ARHGAP22: variants seen among roughly 807,000 people sequenced by gnomAD.
The protein encoded by ARHGAP22 is Rho GTPase activating protein 22.
In ARHGAP22, 48 loss-of-function variants were observed where a neutral mutation model predicts 59.1. The observed-to-expected ratio is 0.81, with a 90% CI of 0.64 to 1.03. The LOEUF is 1.03. Ranked by LOEUF, ARHGAP22 falls within the 50% of genes least tolerant of loss-of-function variation. The pLI is 0.00. For synonymous variants in ARHGAP22, 445 were observed against 416.4 expected, an observed-to-expected ratio of 1.07 and a Z score of -0.84; for missense variants, 1,015 against 958.7, an observed-to-expected ratio of 1.06 and a Z score of -0.78.
Position 48,454,581 on chromosome 10 carries a change from G to C in ARHGAP22, c.793-420C>G, listed in dbSNP as rs555319525. Among the ~76,000 whole-genome samples the C allele has an allele frequency of 7.2e-5, 11 of 152,328 alleles. No individual in the cohort carries two copies. In the East Asian group the frequency reaches 1.7e-3, roughly 24 times the overall value. On this transcript the variant is annotated intron_variant, in intron 6 of 9. Transcript: ENST00000249601. The stretch of plus-strand genomic sequence containing the variant: ...TGGGGACGGGAGGGCTGGCTCATCT[G>C]TCCTGGGAGCCAGCTCAAATTCTTT...
chr10:48,453,618 T>C (rs2046206213), intron 7 of ARHGAP22, among the ~76,000 whole-genome samples, 193 bp from the exon 8 acceptor site: 1 of 152,118 alleles, frequency 6.6e-6, no homozygotes, highest in Admixed American at 6.5e-5. Flanking sequence ...CCATCAGAAG[T>C]AAAAGTCACT....
intron 1 of ARHGAP22, among the ~76,000 whole-genome samples, chr10:48,627,482 G>T (rs976732645): frequency 6.6e-6 from 1 of 152,228 alleles, no homozygotes; most frequent in Non-Finnish European, 1.5e-5. Context: ...GGGCAAGACA[G>T]GTGTCCAAGG....
At chr10:48,598,567 G>A (rs941833231) in intron 1 of ARHGAP22, among the ~76,000 whole-genome samples, 3 of 152,124 alleles carry the variant, frequency 2.0e-5, no homozygotes, top group South Asian at 2.1e-4. Flanking sequence ...GGTGGCAGAC[G>A]GGAAACACCA....
In ARHGAP22 at chr10:48,604,773, C is replaced by T. The variant is rs1205102680; in HGVS notation, c.24G>A (p.Gln8=). The change falls in exon 1 of 10, where the codon CAG becomes CAA. Residue 8 remains glutamine, a synonymous_variant. Coordinates refer to ENST00000249601, the MANE Select transcript of ARHGAP22 (RefSeq NM_021226.4). The part of the protein sequence containing the change: MLSPKIR[Q]ARRARSKSLV... ...GAAAGTTGGACTTACCCCTCCTGGCCTGCCTGATCTTTGGGCTCAGCATGT... is the reference window on the plus strand; with the variant it reads ...GAAAGTTGGACTTACCCCTCCTGGCTTGCCTGATCTTTGGGCTCAGCATGT... The T allele has an allele frequency of 6.2e-7, 1 of 1,614,146 alleles. No homozygotes were observed. Among genetic ancestry groups the T allele is most frequent in the South Asian group, 1.1e-5 (1 of 91,094 alleles).
chr10:48,567,310 T>G (rs1165782174), intron 2 of ARHGAP22, among the ~76,000 whole-genome samples: 1 of 152,204 alleles, frequency 6.6e-6, no homozygotes, highest in Non-Finnish European at 1.5e-5. Context: ...GTCATTCATG[T>G]GAACATTCTA....
chr10:48,546,074 C>T (rs1420766585), intron 3 of ARHGAP22, among the ~76,000 whole-genome samples: 1 of 152,224 alleles, frequency 6.6e-6, no homozygotes, highest in African/African-American at 2.4e-5. Flanking sequence ...GATCAGGACT[C>T]CCTGGCTTGA....
intron 3 of ARHGAP22, among the ~76,000 whole-genome samples, chr10:48,511,237 C>T (rs371463465): frequency 2.6e-5 from 4 of 152,252 alleles, no homozygotes; most frequent in African/African-American, 9.6e-5. Flanking sequence ...ACAAGTCCTG[C>T]TCTCGGTGCC....
intron 2 of ARHGAP22, among the ~76,000 whole-genome samples, chr10:48,565,545 T>A (rs1257149386): frequency 6.6e-6 from 1 of 152,168 alleles, no homozygotes; most frequent in Non-Finnish European, 1.5e-5. Flanking sequence ...GTAGACTCTG[T>A]GCATGAACAT....
chr10:48,450,410 C>T lies in ARHGAP22; in HGVS notation c.1719G>A (p.Ala573=), dbSNP rs1355343933. ...GCTCGCTGTTGCTGGCACCCGCGCC[C>T]GCCTCGTCCATGCTGTGGTCCAGGT... The part of the protein sequence containing the change: ...SLDLDHSMDE[A]GAGASNSEPS... Residue 573 remains alanine, a synonymous_variant, in exon 9 of 10, where the codon GCG becomes GCA. Coordinates refer to ENST00000249601, the MANE Select transcript of ARHGAP22 (RefSeq NM_021226.4). 1 of 1,570,662 alleles carries T rather than the reference C, an allele frequency of 6.4e-7. No individual in the cohort carries two copies. Among genetic ancestry groups the T allele is most frequent in the African/African-American group, 1.4e-5 (1 of 73,878 alleles).
chr10:48,550,478 T>C (rs935267), intron 3 of ARHGAP22, among the ~76,000 whole-genome samples: 90,398 of 152,158 alleles, frequency 0.59, 28,175 homozygotes, highest in East Asian at 0.98. Flanking sequence ...GGTGTAGCCA[T>C]GCAACTGCAT....
At chr10:48,603,552 C>A (rs187851438) in intron 1 of ARHGAP22, among the ~76,000 whole-genome samples, 2 of 152,278 alleles carry the variant, frequency 1.3e-5, no homozygotes, top group Admixed American at 1.3e-4. Context: ...TGCTTAGTAG[C>A]CACATGTGGC....
At chr10:48,630,031 A>C (rs2061575708) in intron 1 of ARHGAP22, among the ~76,000 whole-genome samples, 1 of 152,234 alleles carries the variant, frequency 6.6e-6, no homozygotes. Flanking sequence ...AAAAGCAAAA[A>C]ATAGCTTGCT....
intron 3 of ARHGAP22, among the ~76,000 whole-genome samples, chr10:48,506,036 C>A (rs893495053): frequency 6.6e-6 from 1 of 152,106 alleles, no homozygotes; most frequent in Admixed American, 6.5e-5. Context: ...TATCTCTCAC[C>A]GACGCTCCTT....
At position 48,459,925 on chromosome 10, in the gene ARHGAP22, C is replaced by G. The variant is rs764761540; in HGVS notation, c.452-34G>C. On this transcript the variant is annotated intron_variant, in intron 4 of 9. Transcript: ENST00000249601. ...AGAGAGGAGCTAGTCACACCCTCCA[C>G]CACCCAGCTCAGTGTTGGGTGCTCA... The G allele has an allele frequency of 8.8e-6, 14 of 1,595,284 alleles. No homozygotes were observed. In the South Asian group the frequency reaches 1.6e-4, roughly 18 times the overall value.
chr10:48,592,488 C>A (rs940486138), intron 1 of ARHGAP22, among the ~76,000 whole-genome samples: 1 of 152,188 alleles, frequency 6.6e-6, no homozygotes, highest in African/African-American at 2.4e-5. Flanking sequence ...GTCCCAGGAC[C>A]ACTTTGTACT....
At chr10:48,456,699 C>A (rs1589458503) in intron 5 of ARHGAP22, among the ~76,000 whole-genome samples, 1 of 152,200 alleles carries the variant, frequency 6.6e-6, no homozygotes, top group East Asian at 1.9e-4. Flanking sequence ...CACAGAGCCA[C>A]CCCTCCTCTG....
intron 1 of ARHGAP22, among the ~76,000 whole-genome samples, chr10:48,628,295 T>A (rs1301053135): frequency 6.6e-6 from 1 of 152,254 alleles, no homozygotes; most frequent in African/African-American, 2.4e-5. Context: ...GCTGAGCATC[T>A]ACCAGGCACC....
At chr10:48,525,208 C>CT (rs1262956137) in intron 3 of ARHGAP22, among the ~76,000 whole-genome samples, 1 of 152,188 alleles carries the variant, frequency 6.6e-6, no homozygotes, top group Non-Finnish European at 1.5e-5. Context: ...CCAGGAAAGT[C>CT]TATGGAAGGC....
At chr10:48,579,206 C>T (rs2058958517) in intron 2 of ARHGAP22, among the ~76,000 whole-genome samples, 1 of 151,540 alleles carries the variant, frequency 6.6e-6, no homozygotes, top group Admixed American at 6.6e-5. Flanking sequence ...CTTTCCATGT[C>T]TATTTTGTTC....
Sources: allele counts gnomAD v4.1 joint callset (sites outside exome capture counted in the v4.1 genomes callset), GRCh38; gene constraint gnomAD v4.1.1; transcripts MANE v1.5; gene names NCBI Gene and HGNC (gene_info 2026-07-23, HGNC 2026-07-21).